Variants in NUP35 observed in about 807,000 individuals in gnomAD.
NUP35 encodes the protein nucleoporin NUP35.
NUP35 carries 25 observed loss-of-function variants against 41.5 expected under a neutral mutation model. That is an observed-to-expected ratio of 0.60 (90% CI 0.44 to 0.84). NUP35 has a LOEUF of 0.84. NUP35 is among the 40% of genes least tolerant of loss of function. The pLI, the probability that NUP35 is intolerant of heterozygous loss-of-function variation, is 0.00. For missense variants in NUP35, 396 were observed against 396.6 expected (o/e 1.00, Z 0.01); for synonymous variants, 149 against 130.7 (o/e 1.14, Z -0.96).
At chr2:183,131,087 C>A in intron 3 of NUP35, 1 of 414,254 alleles carries the variant, frequency 2.4e-6, no homozygotes, top group Non-Finnish European at 4.9e-6. Flanking sequence ...TCAACCAATC[C>A]TCCTGCCTCA....
At chr2:183,149,933 G>A (rs922731713) in intron 4 of NUP35, among the ~76,000 whole-genome samples, 1 of 151,416 alleles carries the variant, frequency 6.6e-6, no homozygotes, top group South Asian at 2.1e-4. Context: ...TTTTGAGACA[G>A]AGTCTCTCTG....
intron 5 of NUP35, among the ~76,000 whole-genome samples, chr2:183,152,151 ACAC>A (rs1197866751): frequency 7.1e-6 from 1 of 141,620 alleles, no homozygotes; most frequent in East Asian, 2.0e-4. Context: ...ACACACACAC[ACAC>A]AATGTCACAG....
At chr2:183,145,973 C>T (rs373629362) in intron 4 of NUP35, among the ~76,000 whole-genome samples, 62 of 152,202 alleles carry the variant, frequency 4.1e-4, no homozygotes, top group Admixed American at 3.6e-3. Flanking sequence ...TGGTAGCTCA[C>T]GCTTGGAATT....
At position 183,148,037 on chromosome 2, in the gene NUP35, C is replaced by T. The variant is rs573581958; in HGVS notation, c.398-3471C>T. On this transcript the variant is annotated intron_variant, in intron 4 of 8. Transcript: ENST00000295119. ...TTTTGTGAATACTTTTTTAAGCACT[C>T]GCTTATGAGTGAGCATATGTGATGT... Among the ~76,000 whole-genome samples the T allele has an allele frequency of 1.2e-4, 18 of 152,062 alleles. No homozygotes were observed. The East Asian group carries it at 2.1e-3, about 18-fold the overall frequency.
At chr2:183,154,517 C>A (rs181061699) in intron 5 of NUP35, among the ~76,000 whole-genome samples, 39 of 152,292 alleles carry the variant, frequency 2.6e-4, no homozygotes, top group African/African-American at 8.9e-4. Context: ...TAGGGTGGGG[C>A]AAAATGCCAC....
chr2:183,146,595 A>AT (rs1280225660), intron 4 of NUP35, among the ~76,000 whole-genome samples: 7 of 151,020 alleles, frequency 4.6e-5, no homozygotes, highest in Non-Finnish European at 8.9e-5. Flanking sequence ...TTACATTCTT[A>AT]TTTTTTGACC....
upstream of NUP35, among the ~76,000 whole-genome samples, chr2:183,119,768 T>A (rs531355132): frequency 6.6e-6 from 1 of 152,194 alleles, no homozygotes; most frequent in African/African-American, 2.4e-5. Context: ...CACTGCAGCA[T>A]GGAACTCCTG....
chr2:183,129,158 A>T (rs1684605617), intron 2 of NUP35, among the ~76,000 whole-genome samples: 6 of 152,222 alleles, frequency 3.9e-5, no homozygotes, highest in Non-Finnish European at 1.5e-5. Flanking sequence ...TGTAGATACG[A>T]ATTCTGCCTT....
chr2:183,160,140 T>C (rs1219966913), intron 8 of NUP35: 1 of 156,986 alleles, frequency 6.4e-6, no homozygotes, highest in African/African-American at 2.4e-5. Context: ...ATGGTAGAAG[T>C]ATTATGATCT....
chr2:183,136,734 C>T (rs1248900498), intron 4 of NUP35, among the ~76,000 whole-genome samples: 2 of 152,144 alleles, frequency 1.3e-5, no homozygotes, highest in African/African-American at 2.4e-5. Flanking sequence ...AGTTCCTTCA[C>T]GGCAGTACCT....
chr2:183,152,156 A>ACACAGACAG (rs56941373), intron 5 of NUP35, among the ~76,000 whole-genome samples: 2 of 139,658 alleles, frequency 1.4e-5, no homozygotes, highest in Non-Finnish European at 3.0e-5. Context: ...CACACACACA[A>ACACAGACAG]TGTCACAGGG....
At chr2:183,153,204 T>G (rs1685529902) in intron 5 of NUP35, among the ~76,000 whole-genome samples, 1 of 152,184 alleles carries the variant, frequency 6.6e-6, no homozygotes, top group African/African-American at 2.4e-5. Flanking sequence ...GGAGATATAA[T>G]TTGAGTTGAG....
chr2:183,144,933 G>T (rs1260978667), intron 4 of NUP35, among the ~76,000 whole-genome samples: 1 of 152,132 alleles, frequency 6.6e-6, no homozygotes, highest in African/African-American at 2.4e-5. Context: ...TTTAAAGGTT[G>T]TAACGGTTGT....
chr2:183,158,155 C>G, intron 6 of NUP35, 128 bp from the exon 7 acceptor site: 1 of 649,232 alleles, frequency 1.5e-6, no homozygotes, highest in South Asian at 3.6e-5. Context: ...AACTTTACAG[C>G]TTTTTACAAG....
At chr2:183,135,756 C>G (rs183522429) in intron 4 of NUP35, among the ~76,000 whole-genome samples, 7 of 152,086 alleles carry the variant, frequency 4.6e-5, no homozygotes, top group Admixed American at 1.3e-4. Context: ...TCCAGCTACT[C>G]GGAAGGCTGA....
At chr2:183,127,365 G>A (rs1367706396) in intron 1 of NUP35, among the ~76,000 whole-genome samples, 1 of 151,574 alleles carries the variant, frequency 6.6e-6, no homozygotes, top group East Asian at 1.9e-4. Flanking sequence ...TGATCCTCCT[G>A]CCTTGGCCTC....
chr2:183,131,715 A>G (rs537524824), intron 3 of NUP35, among the ~76,000 whole-genome samples: 9 of 152,338 alleles, frequency 5.9e-5, no homozygotes, highest in African/African-American at 1.9e-4. Context: ...GAAAGAATGT[A>G]AGGTATCTTA....
At chr2:183,132,068 G>C (rs954399526) in intron 3 of NUP35, among the ~76,000 whole-genome samples, 2 of 151,928 alleles carry the variant, frequency 1.3e-5, no homozygotes, top group African/African-American at 4.8e-5. Flanking sequence ...CTATCACCCA[G>C]ACTAGAGTGC....
chr2:183,119,414 C>T (rs1700035298), intron 1 of NUP35, among the ~76,000 whole-genome samples: 1 of 152,014 alleles, frequency 6.6e-6, no homozygotes, highest in African/African-American at 2.4e-5. Context: ...TATCTTACAG[C>T]AAAGTGAGGT....
Sources: gnomAD v4.1 joint callset for allele counts (sites outside exome capture counted in the v4.1 genomes callset) on GRCh38, gnomAD v4.1.1 for gene constraint, MANE v1.5 for transcripts, NCBI Gene and HGNC (gene_info 2026-07-23, HGNC 2026-07-21) for gene names.